The following MARCHF2 variants were observed in gnomAD, a reference collection of about 807,000 sequenced individuals.
The protein encoded by MARCHF2 is membrane associated ring-CH-type finger 2.
Under a neutral mutation model 24.0 loss-of-function variants are expected in MARCHF2, and 22 were observed. The observed-to-expected ratio is 0.92, with a 90% CI of 0.66 to 1.31. The LOEUF (loss-of-function observed/expected upper bound fraction) is 1.31. MARCHF2 is among the 50% of genes most tolerant of loss of function. The pLI is 0.00. For missense variants in MARCHF2, 301 were observed against 335.3 expected, an observed-to-expected ratio of 0.90 and a Z score of 0.80; for synonymous variants, 154 against 153.0, an observed-to-expected ratio of 1.01 and a Z score of -0.05.
At chr19:8,428,934 T>TCAAAAAA (rs955435190) in intron 3 of MARCHF2, among the ~76,000 whole-genome samples, 2 of 147,254 alleles carry the variant, frequency 1.4e-5, no homozygotes, top group Non-Finnish European at 3.0e-5. Context: ...AAACTCCGTC[T>TCAAAAAA]CAAAAAACAA....
intron 1 of MARCHF2, among the ~76,000 whole-genome samples, chr19:8,421,097 C>G (rs1032684547): frequency 5.9e-5 from 9 of 151,786 alleles, no homozygotes; most frequent in African/African-American, 2.2e-4. Context: ...CCACACCTGG[C>G]CAGGCCTAGC....
At chr19:8,415,721 C>CAAAAAAAAA (rs1309501077) in intron 1 of MARCHF2, among the ~76,000 whole-genome samples, 731 of 17,554 alleles carry the variant, frequency 0.042, 59 homozygotes, top group Non-Finnish European at 0.068. Flanking sequence ...AACTCCATCT[C>CAAAAAAAAA]AAAAAAAAAA....
rs143041479 is a variant in MARCHF2, at chr19:8,425,097, C to T, written c.177-1512C>T. Among the ~76,000 whole-genome samples, 32 of 151,984 alleles carry T rather than the reference C, an allele frequency of 2.1e-4. 2 individuals carry two copies. The highest frequency in any genetic ancestry group is 7.7e-4 in the African/African-American group (32 of 41,482). ...AAGTCTTTAAAAAAAATTTTGGGAC[C>T]GGGCGTGGTGGCTCACGCCTGTAAT... is the stretch of plus-strand genomic sequence containing the variant. On this transcript the variant is annotated intron_variant, in intron 2 of 4. Transcript: ENST00000215555.
intron 3 of MARCHF2, among the ~76,000 whole-genome samples, chr19:8,427,253 T>A (rs1270485966): frequency 6.6e-6 from 1 of 151,994 alleles, no homozygotes; most frequent in African/African-American, 2.4e-5. Context: ...TTCACCATGT[T>A]GGCCAGGCTG....
intron 4 of MARCHF2, among the ~76,000 whole-genome samples, chr19:8,431,784 G>T (rs1165448179): frequency 6.6e-6 from 1 of 152,166 alleles, no homozygotes; most frequent in East Asian, 1.9e-4. Context: ...GTTGCAGAGA[G>T]CCGATATTGC....
chr19:8,426,689 T>A lies in MARCHF2; in HGVS notation c.257T>A (p.Leu86Gln). 1 of 1,613,828 alleles carries A rather than the reference T, an allele frequency of 6.2e-7. No individual in the cohort carries two copies. ...LLSPCGCTGT[L>Q]GAVHKSCLEK... The stretch of plus-strand genomic sequence containing the variant: ...TCCCCGTGTGGCTGCACCGGCACGC[T>A]GGGTGCCGTGCATAAGAGCTGTCTG... The change falls in exon 3 of 5, where the codon CTG becomes CAG. Residue 86 changes from leucine (L) to glutamine (Q), a missense_variant. Physicochemically the swap from Leu to Gln is moderately radical, Grantham distance 113. Transcript: ENST00000215555.
intron 3 of MARCHF2, chr19:8,427,952 C>T (rs1265697819): frequency 6.6e-6 from 1 of 150,382 alleles, no homozygotes; most frequent in African/African-American, 2.5e-5. Flanking sequence ...CCTGTCTCTA[C>T]TAGCTATACA....
intron 1 of MARCHF2, among the ~76,000 whole-genome samples, chr19:8,415,988 ATCGGAGGG>A (rs1967077232): frequency 1.3e-5 from 2 of 151,988 alleles, no homozygotes; most frequent in Admixed American, 1.3e-4. Context: ...GCCGACCAGG[ATCGGAGGG>A]TCAAGAGATG....
intron 3 of MARCHF2, among the ~76,000 whole-genome samples, chr19:8,428,252 T>C: frequency 6.9e-6 from 1 of 145,770 alleles, no homozygotes. Flanking sequence ...AGAGTGAGAC[T>C]CCATCTCAAA....
intron 4 of MARCHF2, among the ~76,000 whole-genome samples, chr19:8,436,930 T>A (rs1042553524): frequency 1.3e-5 from 2 of 151,960 alleles, no homozygotes; most frequent in Non-Finnish European, 2.9e-5. Context: ...CCTCAGGTGA[T>A]CCACCCACCT....
At chr19:8,423,142 C>G (rs1235511278) in intron 2 of MARCHF2, among the ~76,000 whole-genome samples, 1 of 150,816 alleles carries the variant, frequency 6.6e-6, no homozygotes, top group African/African-American at 2.4e-5. Context: ...TCACTGCAAC[C>G]TCTGCCTCCT....
At chr19:8,416,098 C>G (rs1292038106) in intron 1 of MARCHF2, among the ~76,000 whole-genome samples, 1 of 151,984 alleles carries the variant, frequency 6.6e-6, no homozygotes, top group Non-Finnish European at 1.5e-5. Context: ...AATCCCAGCA[C>G]TTTAGGAGGC....
chr19:8,431,900 T>C (rs2145566832), intron 4 of MARCHF2, among the ~76,000 whole-genome samples: 1 of 152,038 alleles, frequency 6.6e-6, no homozygotes, highest in East Asian at 1.9e-4. Flanking sequence ...CTCATGCCTG[T>C]AATCCCCATA....
intron 1 of MARCHF2, among the ~76,000 whole-genome samples, chr19:8,417,386 G>A (rs1046411890): frequency 6.6e-6 from 1 of 152,182 alleles, no homozygotes; most frequent in African/African-American, 2.4e-5. Flanking sequence ...TGAGGTTGCA[G>A]TAAGCTGAGA....
chr19:8,433,220 A>G (rs550763036), intron 4 of MARCHF2, among the ~76,000 whole-genome samples: 3 of 151,638 alleles, frequency 2.0e-5, no homozygotes, highest in African/African-American at 7.3e-5. Flanking sequence ...CTTGTCTCGA[A>G]GAAAATAATA....
At chr19:8,429,677 T>C (rs1272248562) in intron 3 of MARCHF2, among the ~76,000 whole-genome samples, 1 of 151,400 alleles carries the variant, frequency 6.6e-6, no homozygotes, top group Non-Finnish European at 1.5e-5. Context: ...GCTAATTTTG[T>C]ATTTTTAGTA....
chr19:8,428,617 T>C (rs1177284473), intron 3 of MARCHF2, among the ~76,000 whole-genome samples: 6 of 116,528 alleles, frequency 5.1e-5, no homozygotes, highest in African/African-American at 2.0e-4. Flanking sequence ...GCCACTGCAC[T>C]CCAGCCTGGG....
chr19:8,417,293 A>G (rs1305685697), intron 1 of MARCHF2, among the ~76,000 whole-genome samples: 1 of 152,092 alleles, frequency 6.6e-6, no homozygotes, highest in African/African-American at 2.4e-5. Context: ...AAAATACAAA[A>G]ACGAGCTGGG....
intron 4 of MARCHF2, among the ~76,000 whole-genome samples, chr19:8,435,043 A>G (rs1178336603): frequency 7.1e-6 from 1 of 140,616 alleles, no homozygotes; most frequent in Non-Finnish European, 1.5e-5. Flanking sequence ...TTTTTGAGAC[A>G]GAGTCTCGCT....
Sources: gnomAD v4.1 joint callset for allele counts (sites outside exome capture counted in the v4.1 genomes callset) on GRCh38, gnomAD v4.1.1 for gene constraint, MANE v1.5 for transcripts, NCBI Gene and HGNC (gene_info 2026-07-23, HGNC 2026-07-21) for gene names.